Variants in MYO1H observed in about 807,000 individuals in gnomAD.
MYO1H encodes the protein unconventional myosin-Ih.
MYO1H carries 118 observed loss-of-function variants against 149.3 expected under a neutral mutation model. That is an observed-to-expected ratio of 0.79 (90% CI 0.68 to 0.92). The LOEUF (loss-of-function observed/expected upper bound fraction) is 0.92. Ranked by LOEUF, MYO1H falls within the 40% of genes least tolerant of loss-of-function variation. The probability of loss-of-function intolerance (pLI) is 0.00; values close to 1 mark genes in which losing one functional copy is unlikely to be tolerated. For missense variants in MYO1H, 1,212 were observed against 1,280.7 expected (o/e 0.95, Z 0.82); for synonymous variants, 447 against 465.2 (o/e 0.96, Z 0.50).
intron 11 of MYO1H, 56 bp downstream of exon 11, chr12:109,409,680 C>A (rs1012475526): frequency 2.2e-6 from 3 of 1,392,232 alleles, no homozygotes; most frequent in South Asian, 1.2e-5. Context: ...AGATTTCAGT[C>A]GAGATTTAAA....
At chr12:109,346,629 C>T (rs187368734), upstream of MYO1H, among the ~76,000 whole-genome samples, 115 of 151,696 alleles carry the variant, frequency 7.6e-4, 1 homozygote, top group Admixed American at 4.0e-3. Flanking sequence ...GGCGTTGTGG[C>T]GGGTGCCTTG....
At chr12:109,441,797 A>C in intron 26 of MYO1H, 89 bp downstream of exon 26, 80 of 897,472 alleles carry the variant, frequency 8.9e-5, no homozygotes, top group Non-Finnish European at 1.1e-4. Flanking sequence ...CCATAATCTC[A>C]GCACTTTGGG....
chr12:109,408,577 G>A (rs1390512491), intron 10 of MYO1H, among the ~76,000 whole-genome samples: 1 of 152,098 alleles, frequency 6.6e-6, no homozygotes, highest in African/African-American at 2.4e-5. Context: ...TCACGCTTCA[G>A]TCACGTTTCC....
intron 1 of MYO1H, among the ~76,000 whole-genome samples, chr12:109,379,888 A>T (rs1237085945): frequency 6.6e-6 from 1 of 151,640 alleles, no homozygotes; most frequent in Non-Finnish European, 1.5e-5. Context: ...ACTCACCACC[A>T]CACCTAGCTA....
chr12:109,352,496 A>G (rs991173245), intron 1 of MYO1H, among the ~76,000 whole-genome samples: 1 of 152,222 alleles, frequency 6.6e-6, no homozygotes, highest in African/African-American at 2.4e-5. Flanking sequence ...TTATTCTACG[A>G]AACTAGAATC....
At chr12:109,354,618 TA>T (rs1555247905) in intron 1 of MYO1H, among the ~76,000 whole-genome samples, 98 of 119,386 alleles carry the variant, frequency 8.2e-4, no homozygotes, top group Non-Finnish European at 5.7e-4. Context: ...AGACTCTGTC[TA>T]AAAAAAAAAA....
chr12:109,382,875 T>C (rs918370218), intron 1 of MYO1H, among the ~76,000 whole-genome samples: 1 of 148,174 alleles, frequency 6.7e-6, no homozygotes, highest in Non-Finnish European at 1.5e-5. Flanking sequence ...TTTAAAAATA[T>C]GAATTAAAAT....
chr12:109,349,997 T>G (rs951958539), intron 1 of MYO1H, among the ~76,000 whole-genome samples: 7 of 149,642 alleles, frequency 4.7e-5, no homozygotes, highest in Admixed American at 3.3e-4. Flanking sequence ...ATTATATTAT[T>G]TTATATTATA....
At chr12:109,330,433 A>C in the MYO1H span, among the ~76,000 whole-genome samples, 1 of 152,296 alleles carries the variant, frequency 6.6e-6, no homozygotes, top group African/African-American at 2.4e-5. Context: ...AATGTGCCTG[A>C]TGGACACATG....
chr12:109,331,998 C>T, the MYO1H span, among the ~76,000 whole-genome samples: 4 of 152,152 alleles, frequency 2.6e-5, no homozygotes, highest in East Asian at 1.9e-4. Context: ...AATTTGAGCA[C>T]GGGAATAATG....
At chr12:109,357,514 G>A (rs1306990228) in intron 1 of MYO1H, among the ~76,000 whole-genome samples, 1 of 152,186 alleles carries the variant, frequency 6.6e-6, no homozygotes, top group Non-Finnish European at 1.5e-5. Flanking sequence ...AAGTATCTTA[G>A]GCTCACCTCT....
At position 109,406,076 on chromosome 12, in the gene MYO1H, G is replaced by A. The variant is rs113135324; in HGVS notation, c.963+41G>A. On this transcript the variant is annotated intron_variant, in intron 8 of 31. Transcript: ENST00000310903. ...TGGAGAGGACAGAAGGAGGGGGATG[G>A]GTGGGAGAGAAGAGCGAGGTAGCTG... The A allele has an allele frequency of 5.0e-4, 728 of 1,454,576 alleles. 7 individuals are homozygous for A. In the African/African-American group the frequency reaches 9.1e-3, roughly 18 times the overall value. 90.1% of individuals were successfully genotyped at this position (1,454,576 alleles called of 1,614,324 possible). A position where few individuals can be genotyped will look rare whatever the true frequency, so the allele number is the denominator to read the frequency against.
chr12:109,413,043 CT>C (rs1487179574), intron 14 of MYO1H, among the ~76,000 whole-genome samples: 1 of 152,028 alleles, frequency 6.6e-6, no homozygotes, highest in Non-Finnish European at 1.5e-5. Context: ...GTAGGGCGAT[CT>C]CGGCTCACTG....
At chr12:109,385,299 C>T (rs1168842723) in intron 1 of MYO1H, among the ~76,000 whole-genome samples, 1 of 144,222 alleles carries the variant, frequency 6.9e-6, no homozygotes, top group African/African-American at 2.6e-5. Context: ...TCTTTCTTTT[C>T]TTTTTTTTTT....
At chr12:109,375,952 G>A (rs7139346) in intron 1 of MYO1H, among the ~76,000 whole-genome samples, 9,000 of 152,182 alleles carry the variant, frequency 0.059, 875 homozygotes, top group African/African-American at 0.21. Context: ...ACACTTCGGC[G>A]TGGGCAACAG....
chr12:109,361,813 CAAAAAAAAAAAAA>C (rs35915417), intron 1 of MYO1H, among the ~76,000 whole-genome samples: 4 of 56,822 alleles, frequency 7.0e-5, no homozygotes, highest in African/African-American at 1.4e-4. Flanking sequence ...CCTTGTCTCA[CAAAAAAAAAAAAA>C]AAAAAAAAAA....
In MYO1H at chr12:109,364,237, C is replaced by T. The variant is rs186479857; in HGVS notation, c.12+16265C>T. On this transcript the variant is annotated intron_variant, in intron 1 of 31. Transcript: ENST00000310903. ...CATGGGCAATCCAGTACCTGTACCT[C>T]CTGCCTCATGTAACTGTCTGTCCAG... is the stretch of plus-strand genomic sequence containing the variant. 2.0e-5 allele frequency among the ~76,000 whole-genome samples: 3 copies of T among 151,620 alleles called. No individual in the cohort carries two copies. In the East Asian group the frequency reaches 5.8e-4, roughly 29 times the overall value.
chr12:109,377,752 ATAAG>A (rs1869113325), intron 1 of MYO1H, among the ~76,000 whole-genome samples: 1 of 152,226 alleles, frequency 6.6e-6, no homozygotes, highest in Non-Finnish European at 1.5e-5. Flanking sequence ...AATGTTTTAA[ATAAG>A]TATTATGAAA....
chr12:109,438,593 G>C (rs1871973417), exon 23 of MYO1H: 1 of 1,613,206 alleles, frequency 6.2e-7, no homozygotes. Context: ...ATCCAAAGGA[G>C]AAAGTGGGCC....
Sources: gnomAD v4.1 joint callset for allele counts (sites outside exome capture counted in the v4.1 genomes callset) on GRCh38, gnomAD v4.1.1 for gene constraint, MANE v1.5 for transcripts, NCBI Gene and HGNC (gene_info 2026-07-23, HGNC 2026-07-21) for gene names.